Variants in KCNA6 observed in about 807,000 individuals in gnomAD.
KCNA6 encodes the protein human brain potassium channel-2.
Under a neutral mutation model 29.5 loss-of-function variants are expected in KCNA6, and 17 were observed. The ratio of observed to expected loss-of-function variants is 0.58; its 90% CI spans 0.39 to 0.86. The LOEUF is 0.86. Among genes scored for constraint, KCNA6 ranks in the 40% least tolerant of loss-of-function variants. The pLI, the probability that KCNA6 is intolerant of heterozygous loss-of-function variation, is 0.00. For synonymous variants in KCNA6, 296 were observed against 304.7 expected (o/e 0.97, Z 0.30); for missense variants, 450 against 703.4 (o/e 0.64, Z 4.07).
At chr12:4,851,009 T>TGGGGTG in the KCNA6 span, 1 of 314,902 alleles carries the variant, frequency 3.2e-6, no homozygotes, top group South Asian at 2.6e-5. Context: ...AGACCAGCTA[T>TGGGGTG]GGGGTGGTCA....
the KCNA6 span, among the ~76,000 whole-genome samples, chr12:4,818,849 C>T: frequency 7.0e-6 from 1 of 142,232 alleles, no homozygotes; most frequent in Non-Finnish European, 1.6e-5. Flanking sequence ...CACACACACA[C>T]ACACACACAC....
chr12:4,823,229 C>T, the KCNA6 span, among the ~76,000 whole-genome samples: 24 of 152,160 alleles, frequency 1.6e-4, no homozygotes, highest in African/African-American at 5.8e-4. Context: ...AGCCCTTTCA[C>T]ATTTAAAAAA....
chr12:4,820,353 G>A, the KCNA6 span, among the ~76,000 whole-genome samples: 3 of 151,168 alleles, frequency 2.0e-5, no homozygotes, highest in African/African-American at 7.3e-5. Context: ...AGGCCCTGGA[G>A]CATTGCAGAG....
the KCNA6 span, among the ~76,000 whole-genome samples, chr12:4,834,919 G>A: frequency 6.6e-6 from 1 of 152,126 alleles, no homozygotes; most frequent in African/African-American, 2.4e-5. Context: ...AAGGAAAGGT[G>A]CCCGGTCTGA....
At chr12:4,831,349 C>T in the KCNA6 span, among the ~76,000 whole-genome samples, 1 of 152,178 alleles carries the variant, frequency 6.6e-6, no homozygotes. Context: ...AACTCGTTAT[C>T]ACCCACAAGC....
the KCNA6 span, among the ~76,000 whole-genome samples, chr12:4,820,339 C>A: frequency 2.0e-5 from 3 of 151,872 alleles, no homozygotes; most frequent in African/African-American, 7.3e-5. Context: ...TTAACCCTTC[C>A]CTCAGGCCCT....
At chr12:4,816,216 G>A (rs1025125431), downstream of KCNA6, among the ~76,000 whole-genome samples, 1 of 150,578 alleles carries the variant, frequency 6.6e-6, no homozygotes, top group South Asian at 2.1e-4. Context: ...ATATGCAGTC[G>A]ATCGTTGCTA....
At chr12:4,838,190 G>A in the KCNA6 span, among the ~76,000 whole-genome samples, 1 of 152,204 alleles carries the variant, frequency 6.6e-6, no homozygotes, top group Admixed American at 6.5e-5. Context: ...CGTTTGGAGG[G>A]GATGGTAAGG....
the KCNA6 span, among the ~76,000 whole-genome samples, chr12:4,836,511 G>T: frequency 6.6e-6 from 1 of 152,138 alleles, no homozygotes; most frequent in African/African-American, 2.4e-5. Flanking sequence ...AAAAGAAATG[G>T]CTTGAACAAA....
chr12:4,816,294 G>C (rs1038953869), downstream of KCNA6, among the ~76,000 whole-genome samples: 5 of 140,396 alleles, frequency 3.6e-5, no homozygotes, highest in African/African-American at 5.3e-5. Context: ...GTGTGTGTGT[G>C]TGTCTGTGTG....
chr12:4,826,081 C>T, the KCNA6 span, among the ~76,000 whole-genome samples: 1 of 152,140 alleles, frequency 6.6e-6, no homozygotes, highest in Non-Finnish European at 1.5e-5. Context: ...TATTCTTTTC[C>T]ATCTTCCTAA....
At position 4,811,731 on chromosome 12, in the gene KCNA6, G is replaced by T; in HGVS notation, c.*100G>T. 1 of 1,400,560 alleles carries T rather than the reference G, an allele frequency of 7.1e-7. No homozygotes were observed. The highest frequency in any genetic ancestry group is 1.4e-5 in the South Asian group (1 of 73,204). The allele number at this position is 1,400,560 out of a possible 1,614,324, so 86.8% of individuals were successfully genotyped here. A position where few individuals can be genotyped will look rare whatever the true frequency, so the allele number is the denominator to read the frequency against. On this transcript the variant is annotated 3_prime_UTR_variant, in exon 1 of 1. Coordinates refer to ENST00000280684, the Ensembl canonical transcript of KCNA6. The surrounding 1 kb of genome is among the most constrained non-coding windows in gnomAD (Gnocchi z 7.1). ...TCACTCTAGCTTCAGTTGACTTCTT[G>T]ACTCTCTCCCCTACACCCACTACCT...
At chr12:4,823,142 T>C in the KCNA6 span, among the ~76,000 whole-genome samples, 1 of 152,192 alleles carries the variant, frequency 6.6e-6, no homozygotes, top group Non-Finnish European at 1.5e-5. Context: ...AACAGATGAG[T>C]TTCCAAAAAG....
At chr12:4,822,267 TG>T in the KCNA6 span, among the ~76,000 whole-genome samples, 1 of 152,214 alleles carries the variant, frequency 6.6e-6, no homozygotes, top group East Asian at 1.9e-4. Flanking sequence ...AAATGATACC[TG>T]GCTTATGTCA....
At chr12:4,809,773 G>A in exon 1 of KCNA6, 1 of 402,670 alleles carries the variant, frequency 2.5e-6, no homozygotes, top group South Asian at 9.3e-5. Flanking sequence ...GCGGTTCCGG[G>A]CATCCCAGTA....
the KCNA6 span, among the ~76,000 whole-genome samples, chr12:4,846,806 T>C: frequency 7.3e-6 from 1 of 136,174 alleles, no homozygotes; most frequent in Non-Finnish European, 1.5e-5. Flanking sequence ...TGAGACGGAG[T>C]CTCGCTCTGT....
chr12:4,839,514 GTTA>G, the KCNA6 span, among the ~76,000 whole-genome samples: 439 of 152,304 alleles, frequency 2.9e-3, 4 homozygotes, highest in Admixed American at 0.012. Flanking sequence ...TCGACAGTAG[GTTA>G]TTAGTAGTTA....
the KCNA6 span, among the ~76,000 whole-genome samples, chr12:4,834,634 A>C: frequency 6.6e-6 from 1 of 152,100 alleles, no homozygotes; most frequent in Non-Finnish European, 1.5e-5. Context: ...TCTGACAGTA[A>C]AGACCAATGC....
chr12:4,841,145 T>G, the KCNA6 span, among the ~76,000 whole-genome samples: 1 of 152,176 alleles, frequency 6.6e-6, no homozygotes, highest in Non-Finnish European at 1.5e-5. Flanking sequence ...TGCTCAACAT[T>G]GGATGTTCAA....
Sources: gnomAD v4.1 joint callset for allele counts (sites outside exome capture counted in the v4.1 genomes callset) on GRCh38, gnomAD v4.1.1 for gene constraint, Gnocchi (gnomAD v3.1) non-coding constraint, MANE v1.5 for transcripts, NCBI Gene and HGNC (gene_info 2026-07-23, HGNC 2026-07-21) for gene names.